FBXL13: variants seen among roughly 807,000 people sequenced by gnomAD.
FBXL13 encodes F-box and leucine rich repeat protein 13.
Under a neutral mutation model 83.6 loss-of-function variants are expected in FBXL13, and 67 were observed. The observed-to-expected ratio is 0.80, with a 90% CI of 0.66 to 0.98. FBXL13 has a LOEUF of 0.98. Ranked by LOEUF, FBXL13 falls within the 50% of genes least tolerant of loss-of-function variation. The pLI, the probability that FBXL13 is intolerant of heterozygous loss-of-function variation, is 0.00. For synonymous variants in FBXL13, 272 were observed against 299.5 expected (o/e 0.91, Z 0.95); for missense variants, 822 against 866.5 (o/e 0.95, Z 0.64).
chr7:103,065,374 G>A (rs1354108739), intron 1 of FBXL13, among the ~76,000 whole-genome samples: 4 of 151,928 alleles, frequency 2.6e-5, no homozygotes, highest in African/African-American at 9.7e-5. Context: ...TATTTCAAAT[G>A]CATAAATCTT....
chr7:102,955,347 G>C (rs1257975264), intron 8 of FBXL13, among the ~76,000 whole-genome samples: 1 of 151,978 alleles, frequency 6.6e-6, no homozygotes, highest in Admixed American at 6.6e-5. Context: ...AAGCCAACGA[G>C]AACAAAGACA....
chr7:102,995,353 T>C (rs1001010984), intron 6 of FBXL13, among the ~76,000 whole-genome samples: 10 of 150,614 alleles, frequency 6.6e-5, no homozygotes, highest in Non-Finnish European at 1.3e-4. Context: ...TGGTGGTGGG[T>C]GCCTGTAGTC....
chr7:102,828,788 G>A (rs903749826), intron 18 of FBXL13, among the ~76,000 whole-genome samples: 1 of 152,052 alleles, frequency 6.6e-6, no homozygotes, highest in African/African-American at 2.4e-5. Flanking sequence ...TGGGGATTTC[G>A]CCCAGCTCAC....
chr7:102,896,231 A>T (rs1394542833), intron 11 of FBXL13, among the ~76,000 whole-genome samples: 1 of 152,232 alleles, frequency 6.6e-6, no homozygotes, highest in Admixed American at 6.5e-5. Context: ...CAGGTACTTA[A>T]GCAGAGGAAG....
At chr7:103,025,945 A>C (rs937548688) in intron 5 of FBXL13, among the ~76,000 whole-genome samples, 2 of 151,560 alleles carry the variant, frequency 1.3e-5, no homozygotes, top group Admixed American at 6.6e-5. Flanking sequence ...AATAAATCAT[A>C]TATCTAGAAA....
chr7:102,915,425 G>C (rs1815641606), intron 10 of FBXL13, among the ~76,000 whole-genome samples: 1 of 151,572 alleles, frequency 6.6e-6, no homozygotes, highest in African/African-American at 2.4e-5. Flanking sequence ...TAATGAAATG[G>C]ATACTTATCT....
intron 10 of FBXL13, among the ~76,000 whole-genome samples, chr7:102,917,746 G>T (rs1399328880): frequency 6.6e-6 from 1 of 152,214 alleles, no homozygotes; most frequent in East Asian, 1.9e-4. Flanking sequence ...GACACTTCTT[G>T]TAGCGTGAGA....
chr7:102,939,004 G>T (rs1820867722), intron 8 of FBXL13, among the ~76,000 whole-genome samples: 1 of 151,978 alleles, frequency 6.6e-6, no homozygotes. Context: ...CATTTTTTTC[G>T]ACCCATTTAT....
chr7:102,835,016 G>A (rs1366748612), intron 17 of FBXL13, among the ~76,000 whole-genome samples: 1 of 151,846 alleles, frequency 6.6e-6, no homozygotes, highest in Non-Finnish European at 1.5e-5. Flanking sequence ...CTACTATCAG[G>A]ATTTGCACAT....
intron 16 of FBXL13, among the ~76,000 whole-genome samples, chr7:102,865,461 T>C (rs1807487496): frequency 6.6e-6 from 1 of 152,124 alleles, no homozygotes. Context: ...CTCTAGTTAG[T>C]AATTATGCTT....
chr7:103,057,151 T>G (rs888285438), intron 1 of FBXL13, among the ~76,000 whole-genome samples: 2 of 152,216 alleles, frequency 1.3e-5, no homozygotes, highest in Admixed American at 6.5e-5. Context: ...AAAAGTCAAA[T>G]AATGTGACAG....
At chr7:102,812,771 T>A (rs1797502136), downstream of FBXL13, among the ~76,000 whole-genome samples, 1 of 152,090 alleles carries the variant, frequency 6.6e-6, no homozygotes, top group East Asian at 1.9e-4. Flanking sequence ...GATTTTATAA[T>A]CTCATCAAAA....
At chr7:103,043,853 C>A (rs534532089) in intron 2 of FBXL13, among the ~76,000 whole-genome samples, 1 of 152,298 alleles carries the variant, frequency 6.6e-6, no homozygotes, top group South Asian at 2.1e-4. Flanking sequence ...ATTGCATAAT[C>A]TTCTTAAACT....
At chr7:102,883,587 G>C (rs1810401998) in exon 13 of FBXL13, 1 of 1,609,760 alleles carries the variant, frequency 6.2e-7, no homozygotes, top group Non-Finnish European at 8.5e-7. Flanking sequence ...GGATCTTTCT[G>C]AGTTTACAAG....
intron 6 of FBXL13, among the ~76,000 whole-genome samples, chr7:102,987,876 G>C (rs77746353): frequency 0.011 from 1,674 of 152,252 alleles, 35 homozygotes; most frequent in African/African-American, 0.039. Context: ...CACGCTAGGG[G>C]GTAGATGCTA....
At chr7:102,968,167 A>C (rs1190713228) in intron 6 of FBXL13, 50 bp from the exon 8 acceptor site, 1 of 1,286,988 alleles carries the variant, frequency 7.8e-7, no homozygotes, top group Non-Finnish European at 1.1e-6. Context: ...ACTTTGATGT[A>C]ACTTGTCCAC....
chr7:102,860,378 T>G (rs1806631230), intron 16 of FBXL13, among the ~76,000 whole-genome samples: 1 of 152,150 alleles, frequency 6.6e-6, no homozygotes, highest in South Asian at 2.1e-4. Flanking sequence ...GAATCAAGCC[T>G]TAAAGATTAA....
chr7:103,008,623 T>G (rs1791241758), intron 6 of FBXL13, among the ~76,000 whole-genome samples: 2 of 152,288 alleles, frequency 1.3e-5, no homozygotes, highest in Admixed American at 1.3e-4. Flanking sequence ...AGTGGTGCGA[T>G]CTCAGCTCAC....
intron 6 of FBXL13, among the ~76,000 whole-genome samples, chr7:103,022,186 T>C (rs1036951496): frequency 2.6e-5 from 4 of 152,248 alleles, no homozygotes; most frequent in Non-Finnish European, 5.9e-5. Context: ...TGTAGGGACA[T>C]GGATGAAGCT....
Sources: gnomAD v4.1 joint callset for allele counts (sites outside exome capture counted in the v4.1 genomes callset) on GRCh38, gnomAD v4.1.1 for gene constraint, MANE v1.5 for transcripts, NCBI Gene and HGNC (gene_info 2026-07-23, HGNC 2026-07-21) for gene names.